The following BRWD1 variants were observed in gnomAD, a reference collection of about 807,000 sequenced individuals.
BRWD1 encodes bromodomain and WD repeat-containing protein 1.
In BRWD1, 82 loss-of-function variants were observed where a neutral mutation model predicts 251.2. The ratio of observed to expected loss-of-function variants is 0.33; its 90% CI spans 0.27 to 0.39. BRWD1 has a LOEUF of 0.39. Ranked by LOEUF, BRWD1 falls within the 10% of genes least tolerant of loss-of-function variation. BRWD1 has a pLI of 1.00. For missense variants in BRWD1, 2,233 were observed against 2,711.6 expected, an observed-to-expected ratio of 0.82 and a Z score of 3.92; for synonymous variants, 918 against 902.8, an observed-to-expected ratio of 1.02 and a Z score of -0.30.
Position 39,185,895 on chromosome 21 carries a change from CATTT to C in BRWD1, c.*10360_*10363del, listed in dbSNP as rs1266463100. The C allele has an allele frequency of 6.6e-6, 1 of 152,158 alleles. No homozygotes were observed. Among genetic ancestry groups the C allele is most frequent in the East Asian group, 1.9e-4 (1 of 5,206 alleles). The allele number at this position is 152,158 out of a possible 1,614,324, so 9.4% of individuals were successfully genotyped here. On this transcript the variant is annotated 3_prime_UTR_variant, in exon 41 of 41. Transcript: ENST00000342449. ...TGTTAAAAAGATGCGACAGTATATT[CATTT>C]AATCTGGCAATTTTAATTTCAACAA... is the stretch of plus-strand genomic sequence containing the variant.
chr21:39,258,037 G>C (rs1252574907), intron 18 of BRWD1, among the ~76,000 whole-genome samples: 2 of 152,150 alleles, frequency 1.3e-5, no homozygotes, highest in African/African-American at 4.8e-5. Context: ...ACTGAGGGGA[G>C]ACTGGTGATT....
chr21:39,233,534 A>AAC lies in BRWD1; in HGVS notation c.2767-1038_2767-1037dup, dbSNP rs1021061312. 1.4e-4 allele frequency among the ~76,000 whole-genome samples: 21 copies of AAC among 152,246 alleles called. 1 individual carries two copies. The highest frequency in any genetic ancestry group is 4.1e-4 in the South Asian group (2 of 4,832). On this transcript the variant is annotated intron_variant, in intron 23 of 40. Coordinates refer to ENST00000342449, the MANE Select transcript of BRWD1 (RefSeq NM_033656.4). ...AAATGAAAATGGTAAACGTAGCAAT[A>AAC]ACACACACACACAAAAAAAAAGCAC...
rs144639312 is a variant in BRWD1 at position 39,311,609 on chromosome 21, A to C, written c.198+1232T>G. Among the ~76,000 whole-genome samples the C allele has an allele frequency of 4.2e-4, 64 of 152,378 alleles. No individual in the cohort carries two copies. The East Asian group carries it at 0.01, about 24-fold the overall frequency. On this transcript the variant is annotated intron_variant, in intron 4 of 40. Transcript: ENST00000342449. ...TATATTATCCGTGAAGAAAACTAAA[A>C]GAGGGCATCCTTTAAATGTTTCCTC...
At chr21:39,249,490 A>C (rs2034318249) in intron 20 of BRWD1, among the ~76,000 whole-genome samples, 1 of 152,134 alleles carries the variant, frequency 6.6e-6, no homozygotes, top group African/African-American at 2.4e-5. Flanking sequence ...TAATCATTCA[A>C]AATCAGCCAA....
chr21:39,228,802 T>A (rs2033489358), intron 26 of BRWD1, among the ~76,000 whole-genome samples: 1 of 152,188 alleles, frequency 6.6e-6, no homozygotes, highest in Admixed American at 6.5e-5. Flanking sequence ...TCTGACATAT[T>A]TTTTCTTCAT....
chr21:39,304,691 TA>T (rs2036229631), intron 4 of BRWD1, among the ~76,000 whole-genome samples: 3 of 151,784 alleles, frequency 2.0e-5, no homozygotes, highest in Admixed American at 6.6e-5. Context: ...TTACGGGAGA[TA>T]AACTTTAAAC....
rs184384832 is a variant in BRWD1, at chr21:39,193,001, C to T, written c.*3258G>A. On this transcript the variant is annotated 3_prime_UTR_variant, in exon 41 of 41. Transcript: ENST00000342449. ...TATTCTAAGTGATAATTTTTACTTA[C>T]GAGGTCATAACGAGTGCAAAGGGCT... is the stretch of plus-strand genomic sequence containing the variant. The T allele has an allele frequency of 2.4e-4, 241 of 984,926 alleles. No homozygotes were observed. In the African/African-American group the frequency reaches 3.5e-3, roughly 14 times the overall value. 61.0% of individuals were successfully genotyped at this position (984,926 alleles called of 1,614,324 possible).
chr21:39,291,039 C>A (rs1190388074), intron 8 of BRWD1, among the ~76,000 whole-genome samples: 1 of 152,100 alleles, frequency 6.6e-6, no homozygotes, highest in Non-Finnish European at 1.5e-5. Flanking sequence ...TTGAGATGGG[C>A]AGACCTTGAC....
At position 39,197,052 on chromosome 21, in the gene BRWD1, C is replaced by T. The variant is rs2031858962; in HGVS notation, c.6017G>A (p.Ser2006Asn). 6.2e-7 allele frequency: 1 copy of T among 1,614,130 alleles called. No individual in the cohort carries two copies. The highest frequency in any genetic ancestry group is 8.5e-7 in the Non-Finnish European group (1 of 1,179,954). ...TAGAGCCTGACTAAGCACTTTTGTA[C>T]TACCTTCGGAGTCAGGATCAGGTGG... ...GKPPDPDSEGSTKVLSQALNG... is the reference protein window; with the variant it reads ...GKPPDPDSEGNTKVLSQALNG... Residue 2006 changes from serine (S) to asparagine (N), a missense_variant, in exon 41 of 41, where the codon AGT becomes AAT. Physicochemically the swap from Ser to Asn is conservative, Grantham distance 46. Around this residue, in one of 12 missense-constraint regions of BRWD1, gnomAD observed 928 missense variants for 970.0 expected, o/e 0.96. Coordinates refer to ENST00000342449, the MANE Select transcript of BRWD1 (RefSeq NM_033656.4).
intron 9 of BRWD1, 47 bp from the exon 10 acceptor site, chr21:39,278,860 T>A: frequency 7.5e-7 from 1 of 1,339,230 alleles, no homozygotes. Context: ...TTTTACCACA[T>A]TAACACAGCT....
At chr21:39,312,098 C>G (rs1332510208) in intron 4 of BRWD1, among the ~76,000 whole-genome samples, 3 of 152,204 alleles carry the variant, frequency 2.0e-5, no homozygotes, top group African/African-American at 7.2e-5. Context: ...ATCCCTGCAA[C>G]TGCTGTAACT....
Position 39,247,800 on chromosome 21 carries a change from T to C in BRWD1, c.2382A>G (p.Arg794=), listed in dbSNP as rs767560885. 1.2e-6 allele frequency: 2 copies of C among 1,610,798 alleles called. No individual in the cohort carries two copies. Among genetic ancestry groups the C allele is most frequent in the South Asian group, 1.1e-5 (1 of 90,008 alleles). ...SDSVVLVSQS[R]QRTCRRKYPN... is the part of the protein sequence containing the mutation. ...GATATTTACGCCTACATGTCCTTTGTCTAGACTGTGATACCAAAACCACTG... is the reference window on the plus strand; with the variant it reads ...GATATTTACGCCTACATGTCCTTTGCCTAGACTGTGATACCAAAACCACTG... The change falls in exon 21 of 41, where the codon AGA becomes AGG. Residue 794 remains arginine (R), a synonymous_variant. Transcript: ENST00000342449.
rs909242910 is a variant in BRWD1 at position 39,264,371 on chromosome 21, G to T, written c.1885+89C>A. 2.7e-5 allele frequency: 21 copies of T among 764,106 alleles called. No individual in the cohort carries two copies. The East Asian group carries it at 6.8e-4, about 25-fold the overall frequency. The allele number at this position is 764,106 out of a possible 1,614,324, so 47.3% of individuals were successfully genotyped here. On this transcript the variant is annotated intron_variant, in intron 17 of 40. Transcript: ENST00000342449. ...AATATTGCAAAATATTAATAATTGGGGATCTAAAGGTAAGGAAATTATTTA... is the reference window on the plus strand; with the variant it reads ...AATATTGCAAAATATTAATAATTGGTGATCTAAAGGTAAGGAAATTATTTA...
At chr21:39,269,760 T>C (rs1282489710) in intron 15 of BRWD1, 139 bp downstream of exon 15, 2 of 599,466 alleles carry the variant, frequency 3.3e-6, no homozygotes, top group Admixed American at 4.1e-5. Flanking sequence ...AGCTGTCTAA[T>C]ATTTAGCAGG....
At chr21:39,268,742 T>C (rs2035006557) in intron 15 of BRWD1, among the ~76,000 whole-genome samples, 1 of 151,866 alleles carries the variant, frequency 6.6e-6, no homozygotes, top group African/African-American at 2.4e-5. Context: ...ATCCCAACAC[T>C]TTGGGAGGCC....
intron 8 of BRWD1, among the ~76,000 whole-genome samples, chr21:39,293,402 A>G (rs1481971065): frequency 6.6e-6 from 1 of 151,978 alleles, no homozygotes; most frequent in Non-Finnish European, 1.5e-5. Flanking sequence ...CTGAGGCACA[A>G]GAATCGCTTG....
chr21:39,188,792 T>A lies in BRWD1; in HGVS notation c.*7467A>T, dbSNP rs1365438063. ...TCAAAGCAACCCCACCACATACACA[T>A]CAGTTCCTTTTGCCAACTAACTTAT... is the stretch of plus-strand genomic sequence containing the variant. On this transcript the variant is annotated 3_prime_UTR_variant, in exon 41 of 41. Transcript: ENST00000342449. The A allele has an allele frequency of 8.1e-6, 8 of 985,332 alleles. No individual in the cohort carries two copies. Among genetic ancestry groups the A allele is most frequent in the Non-Finnish European group, 9.6e-6 (8 of 829,928 alleles). 61.0% of individuals were successfully genotyped at this position (985,332 alleles called of 1,614,324 possible).
chr21:39,258,292 T>G (rs917421050), intron 18 of BRWD1, among the ~76,000 whole-genome samples, 195 bp downstream of exon 18: 8 of 152,232 alleles, frequency 5.3e-5, no homozygotes, highest in African/African-American at 1.9e-4. Context: ...GCTTCAGCAG[T>G]ACTTGAAATT....
chr21:39,310,051 G>C (rs1200215685), intron 4 of BRWD1, among the ~76,000 whole-genome samples: 2 of 152,204 alleles, frequency 1.3e-5, no homozygotes, highest in Non-Finnish European at 2.9e-5. Context: ...CAAGGGAGCA[G>C]ACAATATGCA....
Sources: gnomAD v4.1 joint callset for allele counts (sites outside exome capture counted in the v4.1 genomes callset) on GRCh38, gnomAD v4.1.1 for gene constraint, gnomAD v4.1.1 regional missense constraint, MANE v1.5 for transcripts, NCBI Gene and HGNC (gene_info 2026-07-23, HGNC 2026-07-21) for gene names.